The following ESRRG variants were observed in gnomAD, a reference collection of about 807,000 sequenced individuals.
ESRRG encodes the protein estrogen related receptor gamma.
A neutral mutation model predicts 44.0 loss-of-function variants in ESRRG; 13 were observed. The observed-to-expected ratio is 0.30, with a 90% CI of 0.19 to 0.47. The LOEUF (loss-of-function observed/expected upper bound fraction) is 0.47, where lower values mean the gene tolerates loss of function less well. Ranked by LOEUF, ESRRG falls within the 20% of genes least tolerant of loss-of-function variation. ESRRG has a pLI of 1.00. For missense variants in ESRRG, 395 were observed against 580.6 expected, an observed-to-expected ratio of 0.68 and a Z score of 3.29; for synonymous variants, 215 against 214.6, an observed-to-expected ratio of 1.00 and a Z score of -0.02.
intron 1 of ESRRG, among the ~76,000 whole-genome samples, chr1:216,990,461 G>T (rs2075515962): frequency 6.6e-6 from 1 of 152,104 alleles, no homozygotes; most frequent in Admixed American, 6.6e-5. Flanking sequence ...AGCAAAAAGA[G>T]TTAAAGAGTT....
rs199714911 is a variant in ESRRG at position 216,583,669 on chromosome 1, AG to A, written c.590-15572del. Among the ~76,000 whole-genome samples, 65 of 152,352 alleles carry A rather than the reference AG, an allele frequency of 4.3e-4. 2 individuals carry two copies. The East Asian group carries it at 8.9e-3, about 21-fold the overall frequency. ...GAAAGCACAGAAACTGGGCCACCAAAGCAGCCCAGGAACATGCTTTAATGTC... is the reference window on the plus strand; with the variant it reads ...GAAAGCACAGAAACTGGGCCACCAAACAGCCCAGGAACATGCTTTAATGTC... On this transcript the variant is annotated intron_variant, in intron 3 of 6. Transcript: ENST00000408911.
At chr1:216,708,719 T>C (rs1466393230) in intron 1 of ESRRG, among the ~76,000 whole-genome samples, 1 of 152,220 alleles carries the variant, frequency 6.6e-6, no homozygotes, top group African/African-American at 2.4e-5. Flanking sequence ...ACTGGGTATA[T>C]ACTCAAAGGA....
At chr1:216,586,402 G>T (rs377191505) in intron 3 of ESRRG, among the ~76,000 whole-genome samples, 3 of 152,188 alleles carry the variant, frequency 2.0e-5, no homozygotes, top group South Asian at 4.1e-4. Flanking sequence ...GTTAAATCAA[G>T]CTTAAGGTAA....
intron 2 of ESRRG, among the ~76,000 whole-genome samples, chr1:216,668,113 A>C (rs925343624): frequency 1.5e-4 from 23 of 152,150 alleles, no homozygotes; most frequent in African/African-American, 5.6e-4. Context: ...TAAATAAATA[A>C]ATAAATAAAT....
At chr1:216,650,703 A>C (rs1418292650) in intron 3 of ESRRG, among the ~76,000 whole-genome samples, 1 of 152,100 alleles carries the variant, frequency 6.6e-6, no homozygotes, top group African/African-American at 2.4e-5. Flanking sequence ...GCTTTCTGCA[A>C]ATTGTAAAGA....
intron 2 of ESRRG, among the ~76,000 whole-genome samples, chr1:216,914,462 A>G (rs1281737867): frequency 6.6e-6 from 1 of 152,182 alleles, no homozygotes; most frequent in East Asian, 1.9e-4. Flanking sequence ...TTTTCAAACC[A>G]TCAGTGGCCC....
intron 1 of ESRRG, among the ~76,000 whole-genome samples, chr1:217,026,141 C>T (rs1459677635): frequency 6.6e-6 from 1 of 152,162 alleles, no homozygotes; most frequent in African/African-American, 2.4e-5. Context: ...ACACAACTTT[C>T]TGCAACTCGT....
At chr1:216,618,206 G>A (rs1034398805) in intron 3 of ESRRG, among the ~76,000 whole-genome samples, 2 of 152,184 alleles carry the variant, frequency 1.3e-5, no homozygotes, top group Non-Finnish European at 2.9e-5. Context: ...TTGAATTTGA[G>A]AGTAAAATTA....
chr1:216,849,695 A>G (rs1424943761), intron 2 of ESRRG, among the ~76,000 whole-genome samples: 2 of 152,092 alleles, frequency 1.3e-5, no homozygotes, highest in African/African-American at 4.8e-5. Context: ...ATTAATAAGA[A>G]AATAAAAAGA....
chr1:216,561,713 T>A (rs574727572), intron 5 of ESRRG, among the ~76,000 whole-genome samples: 315 of 152,158 alleles, frequency 2.1e-3, no homozygotes, highest in Non-Finnish European at 2.7e-3. Context: ...AATTTTTTTT[T>A]TAAATTTCTG....
In ESRRG at chr1:216,876,431, C is replaced by T. The variant is rs1189781621; in HGVS notation, c.-14+63151G>A. Among the ~76,000 whole-genome samples, 3 of 152,244 alleles carry T rather than the reference C, an allele frequency of 2.0e-5. No individual in the cohort carries two copies. In the East Asian group the frequency reaches 5.8e-4, roughly 29 times the overall value. On this transcript the variant is annotated intron_variant, in intron 2 of 7. Transcript: ENST00000359162. ...AGGCCCTAACCTGCCAAACAAGAAT[C>T]CCCCACAAGCCTGTTATAATGTCAG...
intron 2 of ESRRG, among the ~76,000 whole-genome samples, chr1:216,889,069 A>G (rs905767835): frequency 8.5e-5 from 13 of 152,214 alleles, no homozygotes; most frequent in African/African-American, 2.7e-4. Flanking sequence ...GAGAAGTGTG[A>G]ACTTTTACTT....
At chr1:216,612,223 A>T (rs2060773984) in intron 3 of ESRRG, among the ~76,000 whole-genome samples, 1 of 152,196 alleles carries the variant, frequency 6.6e-6, no homozygotes, top group South Asian at 2.1e-4. Flanking sequence ...AGAACCTACT[A>T]GGCTTAGTAA....
intron 1 of ESRRG, among the ~76,000 whole-genome samples, chr1:217,128,645 A>G (rs1408245315): frequency 6.6e-6 from 1 of 152,230 alleles, no homozygotes; most frequent in African/African-American, 2.4e-5. Context: ...TTCATAGGCT[A>G]GACACCTTAT....
intron 2 of ESRRG, chr1:216,804,933 T>C (rs988330769): frequency 3.3e-5 from 5 of 152,204 alleles, no homozygotes; most frequent in African/African-American, 9.6e-5. Context: ...TAGAGGAACA[T>C]TGTACTTACA....
At chr1:217,109,759 G>A (rs2092640047) in intron 1 of ESRRG, among the ~76,000 whole-genome samples, 1 of 152,164 alleles carries the variant, frequency 6.6e-6, no homozygotes, top group Non-Finnish European at 1.5e-5. Flanking sequence ...GAAAAAATCT[G>A]GGGAATGACA....
intron 2 of ESRRG, among the ~76,000 whole-genome samples, chr1:216,731,746 G>A (rs1455940071): frequency 6.6e-6 from 1 of 152,146 alleles, no homozygotes; most frequent in Non-Finnish European, 1.5e-5. Flanking sequence ...GATGGGGGAG[G>A]GGCATGAGGC....
intron 1 of ESRRG, among the ~76,000 whole-genome samples, chr1:217,022,448 G>A (rs994470588): frequency 2.0e-5 from 3 of 152,118 alleles, no homozygotes; most frequent in African/African-American, 4.8e-5. Flanking sequence ...ATATGCAAAC[G>A]GCAAGTCGCT....
intron 1 of ESRRG, among the ~76,000 whole-genome samples, chr1:216,998,934 T>C (rs1445217527): frequency 6.6e-6 from 1 of 152,228 alleles, no homozygotes; most frequent in Non-Finnish European, 1.5e-5. Context: ...TTTGCGTGGT[T>C]CATATAACCC....
Sources: gnomAD v4.1 joint callset for allele counts (sites outside exome capture counted in the v4.1 genomes callset) on GRCh38, gnomAD v4.1.1 for gene constraint, MANE v1.5 for transcripts, NCBI Gene and HGNC (gene_info 2026-07-23, HGNC 2026-07-21) for gene names.